Variants in SCHIP1 observed in about 807,000 individuals in gnomAD.
The protein encoded by SCHIP1 is schwannomin interacting protein 1, also known as schwannomin-interacting protein 1.
In SCHIP1, 8 loss-of-function variants were observed where a neutral mutation model predicts 29.7. The ratio of observed to expected loss-of-function variants is 0.27; its 90% CI spans 0.16 to 0.49. SCHIP1 has a LOEUF of 0.49. SCHIP1 is among the 20% of genes least tolerant of loss of function. The pLI is 0.99. For missense variants in SCHIP1, 193 were observed against 294.6 expected (o/e 0.66, Z 2.52); for synonymous variants, 76 against 94.9 (o/e 0.80, Z 1.16).
the SCHIP1 span, among the ~76,000 whole-genome samples, chr3:159,439,187 C>G: frequency 1.3e-5 from 2 of 152,076 alleles, no homozygotes; most frequent in Non-Finnish European, 2.9e-5. Flanking sequence ...GCCATTCTGA[C>G]TGGTGTGAGA....
chr3:159,764,906 G>T, the SCHIP1 span: 2 of 1,542,960 alleles, frequency 1.3e-6, no homozygotes, highest in East Asian at 2.5e-5. The surrounding 1 kb of genome is among the most constrained non-coding windows in gnomAD (Gnocchi z 6.1). Flanking sequence ...AGCTGTTCCC[G>T]GGGCCCCCGC....
intron 1 of SCHIP1, among the ~76,000 whole-genome samples, chr3:159,849,421 C>T (rs1273286055): frequency 1.3e-5 from 2 of 152,062 alleles, no homozygotes; most frequent in Non-Finnish European, 2.9e-5. Flanking sequence ...TAATTTCATC[C>T]ATGTTAGCTA....
At chr3:159,850,775 C>A (rs2109097886) in intron 1 of SCHIP1, among the ~76,000 whole-genome samples, 1 of 151,720 alleles carries the variant, frequency 6.6e-6, no homozygotes, top group African/African-American at 2.4e-5. Context: ...ACAACCAGAT[C>A]TCATGAGAAC....
At chr3:159,491,963 C>A in the SCHIP1 span, among the ~76,000 whole-genome samples, 4 of 152,204 alleles carry the variant, frequency 2.6e-5, 1 homozygote, top group Middle Eastern at 9.5e-3. Context: ...GTTCTGCAGT[C>A]ACCACTGCTG....
At chr3:159,489,148 T>C in the SCHIP1 span, among the ~76,000 whole-genome samples, 3 of 152,206 alleles carry the variant, frequency 2.0e-5, no homozygotes, top group Admixed American at 6.5e-5. Flanking sequence ...AATCATGCAA[T>C]AGTTTTGTGT....
chr3:159,680,729 T>A, the SCHIP1 span, among the ~76,000 whole-genome samples: 1 of 69,196 alleles, frequency 1.4e-5, no homozygotes, highest in African/African-American at 7.2e-5. Context: ...TGTATATATA[T>A]AATATACATA....
At chr3:159,764,987 G>A in the SCHIP1 span, 1 of 1,522,672 alleles carries the variant, frequency 6.6e-7, no homozygotes, top group Middle Eastern at 2.0e-4. The surrounding 1 kb of genome is among the most constrained non-coding windows in gnomAD (Gnocchi z 6.1). Flanking sequence ...GGGGGGCTCT[G>A]CCTTCAGCCC....
chr3:159,649,481 A>G, the SCHIP1 span, among the ~76,000 whole-genome samples: 3 of 152,218 alleles, frequency 2.0e-5, no homozygotes, highest in African/African-American at 7.2e-5. Context: ...GAACCAAATC[A>G]TCACAAAATT....
chr3:159,354,836 A>G, the SCHIP1 span, among the ~76,000 whole-genome samples: 1 of 152,228 alleles, frequency 6.6e-6, no homozygotes, highest in African/African-American at 2.4e-5. Flanking sequence ...GTTAGATAGA[A>G]AAAGGCAAAT....
intron 2 of SCHIP1, among the ~76,000 whole-genome samples, chr3:159,885,302 A>G (rs770375515): frequency 7.2e-5 from 11 of 152,190 alleles, no homozygotes; most frequent in Non-Finnish European, 1.2e-4. Flanking sequence ...GCTTACACAG[A>G]GACTGGGGCT....
chr3:159,644,516 CTT>C, the SCHIP1 span, among the ~76,000 whole-genome samples: 1 of 152,042 alleles, frequency 6.6e-6, no homozygotes, highest in African/African-American at 2.4e-5. Context: ...TCTCTTTCTT[CTT>C]TTGGAGTTTT....
At chr3:159,558,154 TA>T in the SCHIP1 span, among the ~76,000 whole-genome samples, 2 of 152,092 alleles carry the variant, frequency 1.3e-5, no homozygotes, top group East Asian at 3.9e-4. Context: ...TCAAAAGCCA[TA>T]AGGGGGTTTG....
chr3:159,352,517 T>C, the SCHIP1 span, among the ~76,000 whole-genome samples: 2 of 152,208 alleles, frequency 1.3e-5, no homozygotes, highest in Admixed American at 6.5e-5. Context: ...CTGACAGCAG[T>C]ATAATCCAGC....
chr3:159,342,060 T>G, the SCHIP1 span, among the ~76,000 whole-genome samples: 21 of 152,294 alleles, frequency 1.4e-4, no homozygotes, highest in African/African-American at 5.1e-4. Context: ...GCAAAGGTAA[T>G]CTTTTTATTC....
At chr3:159,403,362 C>T in the SCHIP1 span, among the ~76,000 whole-genome samples, 1 of 152,182 alleles carries the variant, frequency 6.6e-6, no homozygotes, top group Non-Finnish European at 1.5e-5. Flanking sequence ...CTGGTTTTAA[C>T]ATCATGTCAG....
chr3:159,720,678 G>A, the SCHIP1 span, among the ~76,000 whole-genome samples: 4 of 151,860 alleles, frequency 2.6e-5, no homozygotes, highest in Non-Finnish European at 5.9e-5. Flanking sequence ...TCTGCCTCCC[G>A]AGTTCAAGCA....
chr3:159,310,307 G>T, the SCHIP1 span, among the ~76,000 whole-genome samples: 34 of 152,324 alleles, frequency 2.2e-4, no homozygotes, highest in African/African-American at 7.0e-4. Flanking sequence ...ATTTGCTGCT[G>T]TGTCTAGTAA....
chr3:159,849,108 C>T (rs1267538185), intron 1 of SCHIP1, among the ~76,000 whole-genome samples: 1 of 152,112 alleles, frequency 6.6e-6, no homozygotes, highest in Non-Finnish European at 1.5e-5. Context: ...TTAGTATTCT[C>T]AGTACTATTC....
intron 1 of SCHIP1, among the ~76,000 whole-genome samples, chr3:159,851,559 C>CTGT (rs11282081): frequency 6.6e-6 from 1 of 152,086 alleles, no homozygotes; most frequent in South Asian, 2.1e-4. Flanking sequence ...TAAAGGGTAG[C>CTGT]TGTTAATATA....
Sources: allele counts gnomAD v4.1 joint callset (sites outside exome capture counted in the v4.1 genomes callset), GRCh38; gene constraint gnomAD v4.1.1; non-coding constraint Gnocchi (gnomAD v3.1); transcripts MANE v1.5; gene names NCBI Gene and HGNC (gene_info 2026-07-23, HGNC 2026-07-21).